Variants in SSBP3 observed in about 807,000 individuals in gnomAD.
SSBP3 encodes single-stranded DNA-binding protein 3.
A neutral mutation model predicts 69.6 loss-of-function variants in SSBP3; 5 were observed. The observed-to-expected ratio is 0.07, with a 90% CI of 0.04 to 0.15. The LOEUF is 0.15. Among genes scored for constraint, SSBP3 ranks in the 10% least tolerant of loss-of-function variants. SSBP3 has a pLI of 1.00. For missense variants in SSBP3, 312 were observed against 534.0 expected, an observed-to-expected ratio of 0.58 and a Z score of 4.10; for synonymous variants, 196 against 193.4, an observed-to-expected ratio of 1.01 and a Z score of -0.11.
intron 4 of SSBP3, among the ~76,000 whole-genome samples, chr1:54,386,572 C>T (rs899150803): frequency 1.3e-5 from 2 of 151,874 alleles, no homozygotes; most frequent in Non-Finnish European, 2.9e-5. Flanking sequence ...ACACAGCATC[C>T]GCCAGAAAAA....
intron 6 of SSBP3, among the ~76,000 whole-genome samples, chr1:54,257,740 C>T (rs1199665735): frequency 1.3e-5 from 2 of 151,980 alleles, no homozygotes; most frequent in African/African-American, 4.8e-5. Context: ...AGAAAAGGCT[C>T]GGGATGCAGC....
intron 4 of SSBP3, among the ~76,000 whole-genome samples, chr1:54,319,224 A>G (rs1324430479): frequency 6.6e-6 from 1 of 152,170 alleles, no homozygotes; most frequent in Non-Finnish European, 1.5e-5. Flanking sequence ...GGCTCAGCGA[A>G]GAGCTAACAT....
At chr1:54,314,113 A>G (rs1274762961) in intron 4 of SSBP3, among the ~76,000 whole-genome samples, 1 of 152,144 alleles carries the variant, frequency 6.6e-6, no homozygotes, top group Non-Finnish European at 1.5e-5. Flanking sequence ...TGAGATGGAA[A>G]ATGGGAGCCA....
At chr1:54,284,759 G>A (rs1024917609) in intron 4 of SSBP3, among the ~76,000 whole-genome samples, 1 of 151,998 alleles carries the variant, frequency 6.6e-6, no homozygotes, top group Non-Finnish European at 1.5e-5. Context: ...GTGAACCATC[G>A]TGTCTGGCCT....
chr1:54,397,079 G>A (rs1171696659), intron 4 of SSBP3, among the ~76,000 whole-genome samples: 3 of 152,228 alleles, frequency 2.0e-5, no homozygotes, highest in Admixed American at 1.3e-4. Context: ...AAAAAGAAGT[G>A]TGTATGTTTT....
At chr1:54,257,669 G>A (rs1644946326) in intron 6 of SSBP3, among the ~76,000 whole-genome samples, 1 of 152,136 alleles carries the variant, frequency 6.6e-6, no homozygotes, top group Non-Finnish European at 1.5e-5. Flanking sequence ...GGAGACAGCG[G>A]GCTCCCTAAC....
chr1:54,399,274 G>A lies in SSBP3; in HGVS notation c.276+2587C>T, dbSNP rs187483702. ...AGTGCCAACAAATGGTACTTGCCAT[G>A]GGCCTGCAGGGCCAAGCCAGGTGGT... On this transcript the variant is annotated intron_variant, in intron 4 of 17. Transcript: ENST00000610401. Among the ~76,000 whole-genome samples, 148 of 152,384 alleles carry A rather than the reference G, an allele frequency of 9.7e-4. 1 individual carries two copies. Among genetic ancestry groups the A allele is most frequent in the Middle Eastern group, 6.8e-3 (2 of 294 alleles).
intron 4 of SSBP3, among the ~76,000 whole-genome samples, chr1:54,329,146 T>C (rs4927092): frequency 0.29 from 43,537 of 151,996 alleles, 9,192 homozygotes; most frequent in African/African-American, 0.58. Context: ...TTGAGTCTAT[T>C]CCCCTGCCCC....
chr1:54,227,352 G>A (rs190383919), intron 17 of SSBP3, among the ~76,000 whole-genome samples, 192 bp from the exon 18 acceptor site: 113 of 152,260 alleles, frequency 7.4e-4, no homozygotes, highest in Non-Finnish European at 1.5e-3. Flanking sequence ...GCCAGGAGGC[G>A]GGAGCTAAGA....
At chr1:54,360,598 T>C (rs756452346) in intron 4 of SSBP3, among the ~76,000 whole-genome samples, 2 of 152,080 alleles carry the variant, frequency 1.3e-5, no homozygotes, top group South Asian at 2.1e-4. Flanking sequence ...CCCAAGTGTT[T>C]CCACCAAAGA....
At chr1:54,369,218 C>CGGGGG (rs11433392) in intron 4 of SSBP3, among the ~76,000 whole-genome samples, 59 of 124,668 alleles carry the variant, frequency 4.7e-4, no homozygotes, top group African/African-American at 1.9e-3. Flanking sequence ...CCTCTTGAGT[C>CGGGGG]GGGGGGGGGG....
intron 4 of SSBP3, among the ~76,000 whole-genome samples, chr1:54,284,353 C>T (rs1023797036): frequency 6.6e-6 from 1 of 151,916 alleles, no homozygotes; most frequent in African/African-American, 2.4e-5. Flanking sequence ...AAATGGTTTG[C>T]ATTGGCCACT....
At chr1:54,240,067 T>TGC (rs1644583661) in intron 13 of SSBP3, among the ~76,000 whole-genome samples, 1 of 29,094 alleles carries the variant, frequency 3.4e-5, no homozygotes, top group Non-Finnish European at 6.9e-5. Context: ...TGTGTGTGTG[T>TGC]GTGTGTGTGT....
intron 7 of SSBP3, among the ~76,000 whole-genome samples, chr1:54,253,642 G>A (rs1557464170): frequency 6.6e-6 from 1 of 152,280 alleles, no homozygotes; most frequent in East Asian, 1.9e-4. Context: ...GAATCACTTG[G>A]CTGGTTTGCG....
chr1:54,380,029 T>C (rs1445370122), intron 4 of SSBP3, among the ~76,000 whole-genome samples: 1 of 152,142 alleles, frequency 6.6e-6, no homozygotes, highest in African/African-American at 2.4e-5. Flanking sequence ...AAAGAGCCTG[T>C]ACACCCAGGG....
intron 4 of SSBP3, among the ~76,000 whole-genome samples, chr1:54,330,282 G>A (rs564084984): frequency 4.6e-5 from 7 of 152,252 alleles, no homozygotes; most frequent in Admixed American, 1.3e-4. Flanking sequence ...CACTGGTTCC[G>A]GGCACATGAG....
chr1:54,396,347 T>G (rs942463116), intron 4 of SSBP3, among the ~76,000 whole-genome samples: 1 of 152,130 alleles, frequency 6.6e-6, no homozygotes, highest in African/African-American at 2.4e-5. Flanking sequence ...TGGTCAGAAT[T>G]ATTACCAAGC....
At chr1:54,370,319 G>A (rs182383648) in intron 4 of SSBP3, among the ~76,000 whole-genome samples, 16 of 152,290 alleles carry the variant, frequency 1.1e-4, no homozygotes, top group East Asian at 3.9e-4. Context: ...CTGTGACTCC[G>A]ATGACAACAA....
chr1:54,293,866 G>A (rs77228344), intron 4 of SSBP3, among the ~76,000 whole-genome samples: 6,218 of 152,262 alleles, frequency 0.041, 393 homozygotes, highest in Admixed American at 0.18. Flanking sequence ...GCCAGGCATG[G>A]TGGCTCTCGC....
Sources: gnomAD v4.1 joint callset for allele counts (sites outside exome capture counted in the v4.1 genomes callset) on GRCh38, gnomAD v4.1.1 for gene constraint, MANE v1.5 for transcripts, NCBI Gene and HGNC (gene_info 2026-07-23, HGNC 2026-07-21) for gene names.